The following IL1RAPL1 variants were observed in gnomAD, a reference collection of about 807,000 sequenced individuals.
IL1RAPL1 encodes interleukin-1 receptor accessory protein-like 1.
IL1RAPL1 carries 3 observed loss-of-function variants against 48.4 expected under a neutral mutation model. The ratio of observed to expected loss-of-function variants is 0.06; its 90% CI spans 0.03 to 0.16. The LOEUF (loss-of-function observed/expected upper bound fraction) is 0.16, where lower values mean the gene tolerates loss of function less well. Ranked by LOEUF, IL1RAPL1 falls within the 10% of genes least tolerant of loss-of-function variation. The pLI is 1.00. For missense variants in IL1RAPL1, 349 were observed against 530.6 expected, an observed-to-expected ratio of 0.66 and a Z score of 3.36; for synonymous variants, 185 against 187.7, an observed-to-expected ratio of 0.99 and a Z score of 0.12.
chrX:28,872,639 A>G (rs1487444414), intron 2 of IL1RAPL1, among the ~76,000 whole-genome samples: 1 of 111,840 alleles, frequency 8.9e-6, no homozygotes, highest in Non-Finnish European at 1.9e-5. Context: ...TACTGCTTTA[A>G]TTGCTTTTAA....
rs1192061213 is a variant in IL1RAPL1, at chrX:29,850,693, G to A, written c.779-66771G>A. Among the ~76,000 whole-genome samples the A allele has an allele frequency of 3.6e-5, 4 of 112,527 alleles. 1 individual carries two copies. The highest frequency in any genetic ancestry group is 7.5e-5 in the Non-Finnish European group (4 of 53,342). ...TCGTGGGGACAGTGTTAGCTGGTAT[G>A]CTTTGGCTTCAGGCAGCTGTGCCTC... On this transcript the variant is annotated intron_variant, in intron 6 of 10. Transcript: ENST00000378993.
chrX:29,588,911 G>A (rs1014746921), intron 5 of IL1RAPL1, among the ~76,000 whole-genome samples: 2 of 111,997 alleles, frequency 1.8e-5, no homozygotes, highest in South Asian at 3.8e-4. Context: ...TGGGTTCTAT[G>A]TTATTTGGAG....
intron 5 of IL1RAPL1, among the ~76,000 whole-genome samples, chrX:29,418,817 C>G (rs1934256137): frequency 1.8e-5 from 2 of 111,703 alleles, no homozygotes; most frequent in South Asian, 7.3e-4. Flanking sequence ...ATGATGTTTT[C>G]CATTTGGGGT....
In IL1RAPL1 at chrX:29,217,781, A is replaced by T. The variant is rs1290944312; in HGVS notation, c.83-65157A>T. Among the ~76,000 whole-genome samples, 5 of 73,544 alleles carry T rather than the reference A, an allele frequency of 6.8e-5. No individual in the cohort carries two copies. In the East Asian group the frequency reaches 2.3e-3, roughly 34 times the overall value. 63.9% of individuals were successfully genotyped at this position (73,544 alleles called of 115,157 possible). On this transcript the variant is annotated intron_variant, in intron 2 of 10. Coordinates refer to ENST00000378993, the MANE Select transcript of IL1RAPL1 (RefSeq NM_014271.4). ...TTCTCTCTCTCTCTCTCTCTCTCAC[A>T]CACACACACACACACACACACACAC...
chrX:29,765,010 T>A (rs186058642), intron 6 of IL1RAPL1, among the ~76,000 whole-genome samples: 1 of 112,486 alleles, frequency 8.9e-6, no homozygotes, highest in African/African-American at 3.2e-5. Context: ...AATAAACCAG[T>A]TCTCCACTCA....
chrX:29,282,121 C>G (rs748945482), intron 2 of IL1RAPL1, among the ~76,000 whole-genome samples: 1 of 111,813 alleles, frequency 8.9e-6, no homozygotes, highest in African/African-American at 3.2e-5. Flanking sequence ...CACGTACTGT[C>G]ATATTGAGGG....
In IL1RAPL1 at chrX:29,282,936, A is replaced by G; in HGVS notation, c.83-2A>G. 8.3e-7 allele frequency: 1 copy of G among 1,208,780 alleles called. No individual in the cohort carries two copies. Among genetic ancestry groups the G allele is most frequent in the East Asian group, 3.0e-5 (1 of 33,763 alleles). On this transcript the variant is annotated splice_acceptor_variant, in intron 2 of 10. Transcript: ENST00000378993. LOFTEE classifies it high-confidence loss of function. ...CTTTCTCTGTCTCTTTTTTTACGATAGCCGATGGATGCACTGACTGGTCTA... is the reference window on the plus strand; with the variant it reads ...CTTTCTCTGTCTCTTTTTTTACGATGGCCGATGGATGCACTGACTGGTCTA...
intron 3 of IL1RAPL1, among the ~76,000 whole-genome samples, chrX:29,317,437 T>C (rs1211965840): frequency 8.9e-6 from 1 of 112,393 alleles, no homozygotes; most frequent in Admixed American, 9.5e-5. Flanking sequence ...TTATGATTTA[T>C]AGATGAACGT....
chrX:29,837,266 AAAAAAAATAT>A (rs1483562501), intron 6 of IL1RAPL1, among the ~76,000 whole-genome samples: 6 of 50,373 alleles, frequency 1.2e-4, no homozygotes, highest in Middle Eastern at 7.5e-3. Context: ...CTCAAAAAAA[AAAAAAAATAT>A]ATATATATAT....
At chrX:28,927,626 T>C (rs1388078463) in intron 2 of IL1RAPL1, among the ~76,000 whole-genome samples, 2 of 110,510 alleles carry the variant, frequency 1.8e-5, no homozygotes, top group Non-Finnish European at 3.8e-5. Flanking sequence ...TTTTTTTTTT[T>C]CTTTCTTGTT....
chrX:29,873,378 G>GC (rs756692604), intron 6 of IL1RAPL1, among the ~76,000 whole-genome samples: 11,806 of 99,494 alleles, frequency 0.12, 749 homozygotes, highest in East Asian at 0.32. Flanking sequence ...GGATGTTTGT[G>GC]CCCCCCCCCC....
intron 2 of IL1RAPL1, among the ~76,000 whole-genome samples, chrX:28,852,318 A>G (rs888589169): frequency 8.4e-4 from 85 of 101,466 alleles, no homozygotes; most frequent in African/African-American, 3.2e-3. Context: ...TTTTATTCCC[A>G]GGAGCAACCT....
At chrX:29,267,586 C>T (rs1033076361) in intron 2 of IL1RAPL1, among the ~76,000 whole-genome samples, 2 of 111,381 alleles carry the variant, frequency 1.8e-5, no homozygotes, top group African/African-American at 6.5e-5. Flanking sequence ...TACTTGTGCC[C>T]TATTTCTAAT....
chrX:29,854,498 A>C (rs774662173), intron 6 of IL1RAPL1, among the ~76,000 whole-genome samples: 2 of 111,607 alleles, frequency 1.8e-5, no homozygotes, highest in Non-Finnish European at 3.8e-5. Context: ...GATGAATGCT[A>C]TTCCACCTAG....
chrX:29,845,793 C>G (rs1213907769), intron 6 of IL1RAPL1, among the ~76,000 whole-genome samples: 1 of 111,262 alleles, frequency 9.0e-6, no homozygotes, highest in Non-Finnish European at 1.9e-5. Context: ...GGCATCTACT[C>G]GGCTTCTGGG....
At chrX:29,855,917 C>T (rs1315964338) in intron 6 of IL1RAPL1, among the ~76,000 whole-genome samples, 1 of 110,936 alleles carries the variant, frequency 9.0e-6, no homozygotes, top group African/African-American at 3.3e-5. Flanking sequence ...CTCAGTTATC[C>T]ACCATCAGTG....
intron 6 of IL1RAPL1, among the ~76,000 whole-genome samples, chrX:29,889,198 A>AACTC (rs1227176590): frequency 2.7e-5 from 3 of 111,811 alleles, no homozygotes; most frequent in Non-Finnish European, 5.6e-5. Context: ...ATTAAATTGA[A>AACTC]ACTCATGTTT....
chrX:28,895,526 T>G (rs954461365), intron 2 of IL1RAPL1, among the ~76,000 whole-genome samples: 7 of 109,327 alleles, frequency 6.4e-5, no homozygotes, highest in African/African-American at 2.3e-4. Context: ...AGGGCAGCAA[T>G]GAGGCGTGGC....
chrX:29,753,778 A>T (rs781389317), intron 6 of IL1RAPL1, among the ~76,000 whole-genome samples: 2 of 111,936 alleles, frequency 1.8e-5, no homozygotes, highest in South Asian at 7.4e-4. Context: ...ATTTAGAATG[A>T]TTAGTCTTAT....
Sources: allele counts gnomAD v4.1 joint callset (sites outside exome capture counted in the v4.1 genomes callset), GRCh38; gene constraint gnomAD v4.1.1; transcripts MANE v1.5; gene names NCBI Gene and HGNC (gene_info 2026-07-23, HGNC 2026-07-21).